Variants in NBAS observed in about 807,000 individuals in gnomAD.
The protein encoded by NBAS is NBAS subunit of NRZ tethering complex.
A neutral mutation model predicts 302.5 loss-of-function variants in NBAS; 219 were observed. The observed-to-expected ratio is 0.72, with a 90% CI of 0.65 to 0.81. The LOEUF (loss-of-function observed/expected upper bound fraction) is 0.81. NBAS is among the 30% of genes least tolerant of loss of function. The pLI is 0.00. For missense variants in NBAS, 2,932 were observed against 2,841.6 expected (o/e 1.03, Z -0.72); for synonymous variants, 1,118 against 1,021.6 (o/e 1.09, Z -1.80).
chr2:15,292,821 A>G (rs962620368), intron 40 of NBAS, 55 bp from the exon 41 acceptor site: 52 of 1,512,780 alleles, frequency 3.4e-5, no homozygotes, highest in African/African-American at 6.9e-5. Context: ...AACACGAGCA[A>G]GTGAGTAACA....
chr2:14,973,147 C>G, the NBAS span, among the ~76,000 whole-genome samples: 171 of 152,252 alleles, frequency 1.1e-3, no homozygotes, highest in African/African-American at 4.0e-3. Context: ...GCACCTCAGC[C>G]CTGATGGGGA....
At chr2:14,810,583 G>A in the NBAS span, among the ~76,000 whole-genome samples, 1 of 152,166 alleles carries the variant, frequency 6.6e-6, no homozygotes, top group Non-Finnish European at 1.5e-5. Flanking sequence ...GTCTTTATCA[G>A]CAGCACAAAA....
intron 41 of NBAS, among the ~76,000 whole-genome samples, chr2:15,287,633 C>T (rs1245576638): frequency 6.7e-6 from 1 of 150,088 alleles, no homozygotes; most frequent in Non-Finnish European, 1.5e-5. Flanking sequence ...CCCATGTGGG[C>T]ATCCCCCTGT....
the NBAS span, among the ~76,000 whole-genome samples, chr2:14,834,212 T>C: frequency 6.6e-6 from 1 of 152,204 alleles, no homozygotes; most frequent in Non-Finnish European, 1.5e-5. Flanking sequence ...GAATGTTGAA[T>C]AGCCTAACTG....
chr2:15,105,271 T>A, the NBAS span, among the ~76,000 whole-genome samples: 1 of 151,704 alleles, frequency 6.6e-6, no homozygotes, highest in East Asian at 1.9e-4. Context: ...GGTGGGAGAC[T>A]AGGGGAGGGA....
chr2:15,519,844 A>G lies in NBAS; in HGVS notation c.747-8494T>C, dbSNP rs114838850. Among the ~76,000 whole-genome samples the G allele has an allele frequency of 4.8e-3, 724 of 152,320 alleles. 8 individuals carry two copies. The highest frequency in any genetic ancestry group is 0.016 in the African/African-American group (673 of 41,574). On this transcript the variant is annotated intron_variant, in intron 9 of 51. Transcript: ENST00000281513. The stretch of plus-strand genomic sequence containing the variant: ...GCTTTACTTTATGTTTGAATCTGTT[A>G]TATGATCTCTAAAAGATATACTTTA...
intron 50 of NBAS, among the ~76,000 whole-genome samples, chr2:15,183,495 A>G (rs1390737619): frequency 6.6e-6 from 1 of 152,238 alleles, no homozygotes; most frequent in South Asian, 2.1e-4. Flanking sequence ...CACATTTATG[A>G]AAGGTAGTGA....
chr2:15,041,729 C>A, the NBAS span, among the ~76,000 whole-genome samples: 1 of 152,216 alleles, frequency 6.6e-6, no homozygotes, highest in Admixed American at 6.5e-5. Flanking sequence ...GCCACTCTAC[C>A]CGGCAGCTGT....
At chr2:15,487,400 A>G (rs111720366) in intron 12 of NBAS, among the ~76,000 whole-genome samples, 8 of 152,272 alleles carry the variant, frequency 5.3e-5, no homozygotes, top group African/African-American at 1.9e-4. Context: ...CAAAATCTAC[A>G]TGCACTCAAG....
the NBAS span, among the ~76,000 whole-genome samples, chr2:14,868,937 G>A: frequency 6.6e-6 from 1 of 152,162 alleles, no homozygotes; most frequent in East Asian, 1.9e-4. Context: ...TCCAAAGGGA[G>A]TTGTCTCTCT....
At chr2:15,151,632 C>A in the NBAS span, among the ~76,000 whole-genome samples, 1 of 152,146 alleles carries the variant, frequency 6.6e-6, no homozygotes, top group African/African-American at 2.4e-5. Context: ...AAAAATAGGT[C>A]TGGTATCGTA....
chr2:15,408,643 G>A (rs1050075326), intron 25 of NBAS, among the ~76,000 whole-genome samples: 4 of 152,204 alleles, frequency 2.6e-5, no homozygotes, highest in Admixed American at 2.6e-4. Context: ...GTGTCTCTAA[G>A]TAAAATATCC....
chr2:15,494,168 T>G (rs536305470), intron 11 of NBAS, among the ~76,000 whole-genome samples: 4 of 152,298 alleles, frequency 2.6e-5, no homozygotes, highest in Admixed American at 1.3e-4. Context: ...TTCTTTCACA[T>G]TCCTCGTTTT....
the NBAS span, among the ~76,000 whole-genome samples, chr2:14,957,051 C>T: frequency 1.5e-3 from 234 of 152,140 alleles, no homozygotes; most frequent in African/African-American, 4.8e-3. Context: ...TAGAGATATT[C>T]CAAGAGAGAA....
intron 9 of NBAS, among the ~76,000 whole-genome samples, chr2:15,515,024 G>A (rs1662321264): frequency 6.6e-6 from 1 of 152,170 alleles, no homozygotes; most frequent in Non-Finnish European, 1.5e-5. Flanking sequence ...AGCAGCTTTA[G>A]GACACTGATG....
chr2:15,377,737 A>G (rs541377586), intron 30 of NBAS, among the ~76,000 whole-genome samples: 6 of 152,326 alleles, frequency 3.9e-5, no homozygotes, highest in African/African-American at 1.4e-4. Context: ...ACTCAACACA[A>G]TGCTGTAAAG....
intron 31 of NBAS, among the ~76,000 whole-genome samples, chr2:15,374,388 C>T (rs573089534): frequency 2.0e-5 from 3 of 151,968 alleles, no homozygotes; most frequent in African/African-American, 7.2e-5. Flanking sequence ...ATGTTATACA[C>T]GTGAAATTTA....
chr2:15,139,532 G>A, the NBAS span, among the ~76,000 whole-genome samples: 171 of 152,168 alleles, frequency 1.1e-3, no homozygotes, highest in Middle Eastern at 6.8e-3. Context: ...GTATGTGTGT[G>A]TGCAAGTGTA....
At chr2:15,175,729 G>A (rs72776604) in intron 51 of NBAS, among the ~76,000 whole-genome samples, 7,643 of 152,234 alleles carry the variant, frequency 0.05, 325 homozygotes, top group South Asian at 0.2. Context: ...AAGGTTACAC[G>A]CACCAGAGGT....
Sources: allele counts gnomAD v4.1 joint callset (sites outside exome capture counted in the v4.1 genomes callset), GRCh38; gene constraint gnomAD v4.1.1; transcripts MANE v1.5; gene names NCBI Gene and HGNC (gene_info 2026-07-23, HGNC 2026-07-21).